The following NBEA variants were observed in gnomAD, a reference collection of about 807,000 sequenced individuals.
NBEA encodes lysosomal-trafficking regulator 2.
NBEA carries 44 observed loss-of-function variants against 343.4 expected under a neutral mutation model. The observed-to-expected ratio is 0.13, with a 90% CI of 0.10 to 0.16. The LOEUF is 0.16. NBEA is among the 10% of genes least tolerant of loss of function. The probability of loss-of-function intolerance (pLI) is 1.00; values close to 1 mark genes in which losing one functional copy is unlikely to be tolerated. For synonymous variants in NBEA, 1,175 were observed against 1,238.7 expected (o/e 0.95, Z 1.08); for missense variants, 2,555 against 3,631.3 (o/e 0.70, Z 7.62).
rs117173775 is a variant in NBEA at position 35,526,668 on chromosome 13, G to A, written c.6586-23809G>A. On this transcript the variant is annotated intron_variant, in intron 41 of 58. Transcript: ENST00000379939. ...TGGGCTTGTTCTGCCCACTCAGCCT[G>A]GCAGGCTATGCTAAGCTTGCACTAC... Among the ~76,000 whole-genome samples, 34 of 152,290 alleles carry A rather than the reference G, an allele frequency of 2.2e-4. No individual in the cohort carries two copies. In the East Asian group the frequency reaches 6.6e-3, roughly 30 times the overall value.
In NBEA at chr13:35,245,325, C is replaced by T. The variant is rs543710357; in HGVS notation, c.5776+12706C>T. Among the ~76,000 whole-genome samples the T allele has an allele frequency of 6.6e-5, 10 of 152,054 alleles. No homozygotes were observed. In the South Asian group the frequency reaches 2.1e-3, roughly 32 times the overall value. ...AATATTGAGATGTGAGGTAGTATTC[C>T]ATTTATTGTGCTATTTGTTGATGAA... On this transcript the variant is annotated intron_variant, in intron 34 of 58. Transcript: ENST00000379939.
At chr13:34,995,168 A>T (rs1484740492) in intron 1 of NBEA, among the ~76,000 whole-genome samples, 1 of 152,092 alleles carries the variant, frequency 6.6e-6, no homozygotes, top group Non-Finnish European at 1.5e-5. Context: ...AAAAGGAAAA[A>T]CTGGCTGGGT....
At chr13:35,533,667 C>A (rs2078382884) in intron 41 of NBEA, among the ~76,000 whole-genome samples, 1 of 152,080 alleles carries the variant, frequency 6.6e-6, no homozygotes, top group African/African-American at 2.4e-5. Flanking sequence ...TATTAACACT[C>A]TGTTTGCTAC....
chr13:34,986,680 G>C (rs557770642), intron 1 of NBEA, among the ~76,000 whole-genome samples: 2 of 150,816 alleles, frequency 1.3e-5, no homozygotes, highest in African/African-American at 4.8e-5. Flanking sequence ...AAGTCTCTTT[G>C]TAGGTCTCTA....
intron 17 of NBEA, among the ~76,000 whole-genome samples, chr13:35,127,734 CT>C (rs981792085): frequency 7.2e-5 from 11 of 151,980 alleles, no homozygotes; most frequent in African/African-American, 2.4e-4. Context: ...ATTACTTATT[CT>C]TTCACAGTTA....
intron 41 of NBEA, among the ~76,000 whole-genome samples, chr13:35,511,844 C>T (rs1302613274): frequency 3.3e-5 from 5 of 152,112 alleles, no homozygotes; most frequent in Non-Finnish European, 7.4e-5. Context: ...GCAGTTACCT[C>T]ATTTATTTAC....
intron 36 of NBEA, among the ~76,000 whole-genome samples, chr13:35,342,299 T>TTCCACAAG: frequency 6.6e-6 from 1 of 152,092 alleles, no homozygotes; most frequent in East Asian, 1.9e-4. Flanking sequence ...AGATAGTGAG[T>TTCCACAAG]ATACTAAAAA....
At chr13:35,424,161 C>A (rs1184229717) in intron 38 of NBEA, among the ~76,000 whole-genome samples, 1 of 152,132 alleles carries the variant, frequency 6.6e-6, no homozygotes, top group Non-Finnish European at 1.5e-5. Context: ...TGCCTGATTG[C>A]CCTGGCCAGA....
chr13:35,165,852 T>A (rs2069977673), intron 24 of NBEA, among the ~76,000 whole-genome samples: 3 of 151,874 alleles, frequency 2.0e-5, no homozygotes, highest in Non-Finnish European at 2.9e-5. Context: ...ACCCAGCTAA[T>A]TTTTGTATTT....
At position 35,155,804 on chromosome 13, in the gene NBEA, G is replaced by T. The variant is rs373518301; in HGVS notation, c.2476G>T (p.Val826Leu). ...GACAGAACAAGTATGTACTCAGGTCGTACACAAACCACATCCAGAGCCAGA... is the reference window on the plus strand; with the variant it reads ...GACAGAACAAGTATGTACTCAGGTCTTACACAAACCACATCCAGAGCCAGA... ...ILTEQVCTQV[V>L]HKPHPEPDST... The change falls in exon 19 of 59, where the codon GTA becomes TTA. Residue 826 changes from valine to leucine, a missense_variant. This residue lies in a region of NBEA where 360 missense variants were observed against 519.1 expected (regional missense o/e 0.69). Coordinates refer to ENST00000379939, the MANE Select transcript of NBEA (RefSeq NM_001385012.1). 1 of 1,611,860 alleles carries T rather than the reference G, an allele frequency of 6.2e-7. No homozygotes were observed. Among genetic ancestry groups the T allele is most frequent in the South Asian group, 1.1e-5 (1 of 91,012 alleles).
intron 55 of NBEA, among the ~76,000 whole-genome samples, chr13:35,664,207 C>T (rs548460017): frequency 6.6e-6 from 1 of 152,244 alleles, no homozygotes; most frequent in Admixed American, 6.5e-5. Context: ...GGTGCATCTG[C>T]CAGCCCTGGA....
intron 34 of NBEA, among the ~76,000 whole-genome samples, chr13:35,281,007 T>G (rs1184526491): frequency 6.6e-6 from 1 of 152,136 alleles, no homozygotes; most frequent in Non-Finnish European, 1.5e-5. Flanking sequence ...ATTATTGGAC[T>G]GTATTCTGGT....
chr13:34,977,313 CTT>C (rs754986587), intron 1 of NBEA, among the ~76,000 whole-genome samples: 2 of 142,540 alleles, frequency 1.4e-5, no homozygotes, highest in Admixed American at 7.0e-5. Context: ...ACATAATTAT[CTT>C]TTTTTTTTTT....
intron 39 of NBEA, among the ~76,000 whole-genome samples, chr13:35,446,672 A>C (rs1051460233): frequency 6.6e-6 from 1 of 152,178 alleles, no homozygotes; most frequent in East Asian, 1.9e-4. Flanking sequence ...AGGCCAAATC[A>C]GTAAAATAGT....
intron 36 of NBEA, among the ~76,000 whole-genome samples, chr13:35,321,437 A>G (rs1411029983): frequency 2.0e-5 from 3 of 152,150 alleles, no homozygotes; most frequent in African/African-American, 7.2e-5. Flanking sequence ...CAGAACAGCA[A>G]AGATTACTGC....
chr13:35,182,938 AT>A lies in NBEA; in HGVS notation c.4831+417del, dbSNP rs533806356. Among the ~76,000 whole-genome samples, 316 of 152,042 alleles carry A rather than the reference AT, an allele frequency of 2.1e-3. 1 individual carries two copies. Among genetic ancestry groups the A allele is most frequent in the African/African-American group, 7.0e-3 (290 of 41,544 alleles). On this transcript the variant is annotated intron_variant, in intron 29 of 58. Transcript: ENST00000379939. Reference sequence around the variant, plus strand: ...CTTTGTAGCCAAGCTCAAAAGTTGGATTTTTTTCTTTTTTAGCTGTATACAG... The same window carrying A: ...CTTTGTAGCCAAGCTCAAAAGTTGGATTTTTTCTTTTTTAGCTGTATACAG...
At chr13:35,221,501 A>G (rs746603523) in intron 33 of NBEA, among the ~76,000 whole-genome samples, 4 of 152,128 alleles carry the variant, frequency 2.6e-5, no homozygotes, top group Non-Finnish European at 5.9e-5. Context: ...TTGGTATTCA[A>G]TAATATCTTC....
At position 35,649,779 on chromosome 13, in the gene NBEA, C is replaced by G; in HGVS notation, c.7895C>G (p.Thr2632Ser). The G allele has an allele frequency of 6.2e-7, 1 of 1,614,022 alleles. No homozygotes were observed. The highest frequency in any genetic ancestry group is 8.5e-7 in the Non-Finnish European group (1 of 1,179,898). The change falls in exon 52 of 59, where the codon ACC becomes AGC. Residue 2632 changes from threonine to serine, a missense_variant. Thr to Ser is a moderately conservative substitution (Grantham distance 58). Transcript: ENST00000379939. Reference sequence around the variant, plus strand: ...GCAGCCAACACTCTGCCCCACTTGACCATCCCCGCAGTGGTGACAGTGACT... The same window carrying G: ...GCAGCCAACACTCTGCCCCACTTGAGCATCCCCGCAGTGGTGACAGTGACT... ...HVAANTLPHL[T>S]IPAVVTVTCS... is the part of the protein sequence containing the mutation.
chr13:35,207,971 A>G (rs1466240128), intron 31 of NBEA, among the ~76,000 whole-genome samples: 2 of 152,206 alleles, frequency 1.3e-5, no homozygotes, highest in Non-Finnish European at 2.9e-5. Flanking sequence ...CTGTAATCCC[A>G]GCACTTTGGG....
Sources: allele counts gnomAD v4.1 joint callset (sites outside exome capture counted in the v4.1 genomes callset), GRCh38; gene constraint gnomAD v4.1.1; regional missense constraint gnomAD v4.1.1; transcripts MANE v1.5; gene names NCBI Gene and HGNC (gene_info 2026-07-23, HGNC 2026-07-21).